The following OR56A3 variants were observed in gnomAD, a reference collection of about 807,000 sequenced individuals.
The protein encoded by OR56A3 is olfactory receptor family 56 subfamily A member 3.
A neutral mutation model predicts 17.5 loss-of-function variants in OR56A3; 23 were observed. That is an observed-to-expected ratio of 1.32 (90% confidence interval 0.95 to 1.87). The LOEUF is 1.87. Among genes scored for constraint, OR56A3 ranks in the 40% most tolerant of loss-of-function variants. The pLI, the probability that OR56A3 is intolerant of heterozygous loss-of-function variation, is 0.00. For missense variants in OR56A3, 366 were observed against 380.1 expected (o/e 0.96, Z 0.31); for synonymous variants, 175 against 150.6 (o/e 1.16, Z -1.19).
chr11:6,015,061 A>G, the OR56A3 span, among the ~76,000 whole-genome samples: 1 of 151,432 alleles, frequency 6.6e-6, no homozygotes, highest in Non-Finnish European at 1.5e-5. Flanking sequence ...CAGAGCATAA[A>G]AGTTTGAAAA....
At chr11:5,982,592 C>T in the OR56A3 span, among the ~76,000 whole-genome samples, 7 of 152,268 alleles carry the variant, frequency 4.6e-5, no homozygotes, top group African/African-American at 1.7e-4. Context: ...GGCAAGATAT[C>T]CCTGTTCTCT....
chr11:5,953,127 C>G (rs1469598738), downstream of OR56A3, among the ~76,000 whole-genome samples: 1 of 152,104 alleles, frequency 6.6e-6, no homozygotes, highest in Non-Finnish European at 1.5e-5. Context: ...AAGTGCATAT[C>G]TTCATGGTAG....
At chr11:5,983,607 T>C in the OR56A3 span, among the ~76,000 whole-genome samples, 1 of 152,174 alleles carries the variant, frequency 6.6e-6, no homozygotes, top group Non-Finnish European at 1.5e-5. Context: ...ACTCATTCTC[T>C]ACACTTTATA....
chr11:6,001,145 T>C, the OR56A3 span: 2 of 152,178 alleles, frequency 1.3e-5, no homozygotes, highest in African/African-American at 4.8e-5. Context: ...CTTTCATGTC[T>C]GGGAAACTGT....
chr11:5,965,936 A>G, the OR56A3 span, among the ~76,000 whole-genome samples: 1 of 152,168 alleles, frequency 6.6e-6, no homozygotes, highest in African/African-American at 2.4e-5. Context: ...TGTTAAAAAA[A>G]ATGAGCTGGG....
the OR56A3 span, chr11:6,003,018 A>G: frequency 3.1e-6 from 5 of 1,614,152 alleles, no homozygotes; most frequent in Non-Finnish European, 2.5e-6. Flanking sequence ...CAATCTGGAG[A>G]CCCAGTGTAC....
chr11:5,949,684 T>G lies in OR56A3; in HGVS notation c.*1390T>G, dbSNP rs534999728. On this transcript the variant is annotated 3_prime_UTR_variant, in exon 3 of 3. Coordinates refer to ENST00000641160, the MANE Select transcript of OR56A3 (RefSeq NM_001003443.3). ...CCCAAATGTCCGAATGTTTTAAATT[T>G]AACTGAAAGCATCTGAGATTAAGCC... The G allele has an allele frequency of 1.3e-5, 2 of 152,280 alleles. No individual in the cohort carries two copies. Among genetic ancestry groups the G allele is most frequent in the Admixed American group, 1.3e-4 (2 of 15,300 alleles). 9.4% of individuals were successfully genotyped at this position (152,280 alleles called of 1,614,324 possible). A position where few individuals can be genotyped will look rare whatever the true frequency, so the allele number is the denominator to read the frequency against.
At chr11:6,005,914 A>G in the OR56A3 span, among the ~76,000 whole-genome samples, 1 of 152,238 alleles carries the variant, frequency 6.6e-6, no homozygotes, top group African/African-American at 2.4e-5. Context: ...TTCCGAGGAC[A>G]CAAACACTGA....
At chr11:5,994,243 T>A in the OR56A3 span, 1 of 557,720 alleles carries the variant, frequency 1.8e-6, no homozygotes, top group Admixed American at 2.2e-5. Context: ...CCAGTCCAGG[T>A]CTATCTCCAA....
chr11:5,993,322 A>G, the OR56A3 span, among the ~76,000 whole-genome samples: 95,805 of 151,978 alleles, frequency 0.63, 30,789 homozygotes, highest in South Asian at 0.78. Flanking sequence ...AAAATATCCT[A>G]TGAGAATGGA....
At chr11:5,962,961 G>A in the OR56A3 span, among the ~76,000 whole-genome samples, 4 of 151,976 alleles carry the variant, frequency 2.6e-5, no homozygotes, top group East Asian at 1.9e-4. Flanking sequence ...CAATTTCTTC[G>A]AGATTAACTA....
chr11:6,000,673 T>C, the OR56A3 span: 1 of 151,920 alleles, frequency 6.6e-6, no homozygotes, highest in Non-Finnish European at 1.5e-5. Context: ...ATGGTGATAA[T>C]GGTAAAAGAA....
the OR56A3 span, among the ~76,000 whole-genome samples, chr11:5,969,620 C>G: frequency 1.3e-5 from 2 of 152,214 alleles, no homozygotes; most frequent in Admixed American, 6.5e-5. Flanking sequence ...CTTCCTAAAT[C>G]CTTCCCATGG....
At chr11:5,991,139 T>A in the OR56A3 span, among the ~76,000 whole-genome samples, 1 of 152,150 alleles carries the variant, frequency 6.6e-6, no homozygotes, top group East Asian at 1.9e-4. Flanking sequence ...CAGCTAAAAT[T>A]TTCCAAAGAT....
chr11:6,013,391 G>T, the OR56A3 span, among the ~76,000 whole-genome samples: 2 of 152,198 alleles, frequency 1.3e-5, no homozygotes, highest in African/African-American at 4.8e-5. Context: ...GGCAATTGTT[G>T]GGGGGATCCT....
chr11:6,013,907 G>A, the OR56A3 span, among the ~76,000 whole-genome samples: 12 of 152,230 alleles, frequency 7.9e-5, no homozygotes, highest in South Asian at 2.1e-4. Context: ...GGAAGCAGAC[G>A]GATGCCCTGC....
the OR56A3 span, among the ~76,000 whole-genome samples, chr11:6,011,651 G>A: frequency 6.6e-6 from 1 of 152,118 alleles, no homozygotes; most frequent in Non-Finnish European, 1.5e-5. Context: ...GGCCAGTGGT[G>A]CCTTTGCCTG....
chr11:6,021,735 A>AG, the OR56A3 span: 1 of 152,182 alleles, frequency 6.6e-6, no homozygotes, highest in Non-Finnish European at 1.5e-5. Flanking sequence ...CATTAAAAAA[A>AG]CAATAAAAAG....
At chr11:5,943,984 G>T (rs1020602428) in intron 1 of OR56A3, among the ~76,000 whole-genome samples, 3 of 152,168 alleles carry the variant, frequency 2.0e-5, no homozygotes, top group Non-Finnish European at 4.4e-5. Flanking sequence ...AGGTCTTACT[G>T]GTTTTTGTTC....
Sources: allele counts gnomAD v4.1 joint callset (sites outside exome capture counted in the v4.1 genomes callset), GRCh38; gene constraint gnomAD v4.1.1; transcripts MANE v1.5; gene names NCBI Gene and HGNC (gene_info 2026-07-23, HGNC 2026-07-21).